Variants in PAM observed in about 807,000 individuals in gnomAD.
PAM encodes the protein peptidylglycine alpha-amidating monooxygenase.
In PAM, 72 loss-of-function variants were observed where a neutral mutation model predicts 122.1. The observed-to-expected ratio is 0.59, with a 90% confidence interval of 0.49 to 0.72. PAM has a LOEUF of 0.72. PAM is among the 30% of genes least tolerant of loss of function. PAM has a pLI of 0.00. For missense variants in PAM, 1,106 were observed against 1,183.7 expected (o/e 0.93, Z 0.96); for synonymous variants, 389 against 404.4 (o/e 0.96, Z 0.46).
chr5:102,853,357 A>G (rs1325291517), intron 1 of PAM, among the ~76,000 whole-genome samples: 2 of 152,134 alleles, frequency 1.3e-5, no homozygotes, highest in African/African-American at 2.4e-5. Flanking sequence ...TAGGAAGAGT[A>G]TTTTAATTTG....
intron 12 of PAM, among the ~76,000 whole-genome samples, chr5:102,956,563 C>T (rs1308363449): frequency 1.3e-5 from 2 of 152,020 alleles, no homozygotes; most frequent in Non-Finnish European, 2.9e-5. Flanking sequence ...GTTTTTCAAA[C>T]ATGTAACCTT....
At chr5:102,878,527 G>T (rs1789931141) in intron 3 of PAM, among the ~76,000 whole-genome samples, 1 of 151,966 alleles carries the variant, frequency 6.6e-6, no homozygotes, top group South Asian at 2.1e-4. Context: ...TATTTTAAAA[G>T]AGCCTCCAGC....
At chr5:102,814,213 C>A (rs975135324) in intron 1 of PAM, among the ~76,000 whole-genome samples, 8 of 152,134 alleles carry the variant, frequency 5.3e-5, no homozygotes, top group African/African-American at 1.2e-4. Flanking sequence ...TAAATTCAAA[C>A]CTTCCAATAA....
intron 15 of PAM, among the ~76,000 whole-genome samples, chr5:102,985,565 G>A (rs151181210): frequency 1.1e-4 from 16 of 151,720 alleles, no homozygotes; most frequent in South Asian, 6.3e-4. Flanking sequence ...TAGAAAACCC[G>A]AACACACCAA....
intron 7 of PAM, among the ~76,000 whole-genome samples, chr5:102,929,593 T>C (rs992638824): frequency 6.6e-6 from 1 of 152,328 alleles, no homozygotes; most frequent in Middle Eastern, 3.4e-3. Context: ...GGGAAATGTT[T>C]GGCTTAAGGG....
intron 3 of PAM, among the ~76,000 whole-genome samples, chr5:102,870,095 C>G (rs1786887994): frequency 1.4e-5 from 2 of 145,314 alleles, no homozygotes; most frequent in African/African-American, 5.3e-5. Context: ...AGTTAAATGG[C>G]AGAGGATTTT....
chr5:102,857,732 C>T (rs535765922), intron 1 of PAM, among the ~76,000 whole-genome samples: 3 of 152,286 alleles, frequency 2.0e-5, no homozygotes, highest in African/African-American at 4.8e-5. Context: ...GTACAAATTT[C>T]ATAGAGTTGC....
At chr5:102,933,601 A>G (rs933741080) in intron 7 of PAM, among the ~76,000 whole-genome samples, 5 of 152,230 alleles carry the variant, frequency 3.3e-5, no homozygotes, top group African/African-American at 9.6e-5. Flanking sequence ...CACAACTGAA[A>G]GAGTAGTAGA....
chr5:102,940,509 TATATATATCAGAGGTAAGAAAGTG>T (rs567358004), intron 7 of PAM, among the ~76,000 whole-genome samples: 19 of 149,292 alleles, frequency 1.3e-4, no homozygotes, highest in Admixed American at 4.7e-4. Flanking sequence ...CAGCTATATA[TATATATATCAGAGGTAAGAAAGTG>T]ATATATATCA....
chr5:102,796,745 T>C (rs1036514644), intron 1 of PAM, among the ~76,000 whole-genome samples: 3 of 152,208 alleles, frequency 2.0e-5, no homozygotes, highest in Admixed American at 6.5e-5. Flanking sequence ...CTTTTTGAAA[T>C]AGTCATCTGC....
At chr5:102,863,611 A>G (rs918467390) in intron 1 of PAM, among the ~76,000 whole-genome samples, 2 of 150,708 alleles carry the variant, frequency 1.3e-5, no homozygotes, top group African/African-American at 4.9e-5. Context: ...AATCTTTTGT[A>G]TAAAGTATTG....
At chr5:102,809,030 T>A (rs750349019) in intron 1 of PAM, among the ~76,000 whole-genome samples, 30 of 152,118 alleles carry the variant, frequency 2.0e-4, no homozygotes, top group Non-Finnish European at 3.4e-4. Flanking sequence ...CCTTGAGAAG[T>A]TAGTGCTGTT....
chr5:102,859,117 T>C (rs563463424), intron 1 of PAM, among the ~76,000 whole-genome samples: 1 of 152,214 alleles, frequency 6.6e-6, no homozygotes, highest in Non-Finnish European at 1.5e-5. Context: ...TTTACAATAC[T>C]ATTTTGTCTT....
intron 4 of PAM, among the ~76,000 whole-genome samples, chr5:102,908,472 A>G (rs1041736204): frequency 1.3e-5 from 2 of 151,088 alleles, no homozygotes; most frequent in Non-Finnish European, 3.0e-5. Flanking sequence ...TTTTGGTTCC[A>G]TATGAACCAC....
At chr5:102,771,513 C>G (rs1755772796) in intron 1 of PAM, among the ~76,000 whole-genome samples, 1 of 152,118 alleles carries the variant, frequency 6.6e-6, no homozygotes, top group Non-Finnish European at 1.5e-5. Flanking sequence ...GTTTACCAAG[C>G]AGTTTTTCAT....
chr5:102,936,001 G>A (rs928181884), intron 7 of PAM, among the ~76,000 whole-genome samples: 3 of 152,124 alleles, frequency 2.0e-5, no homozygotes, highest in African/African-American at 7.2e-5. Context: ...TAAGCTGATT[G>A]TTAAATATCG....
chr5:102,788,134 T>G (rs1761060902), intron 1 of PAM, among the ~76,000 whole-genome samples: 1 of 152,164 alleles, frequency 6.6e-6, no homozygotes, highest in East Asian at 1.9e-4. Flanking sequence ...ATATATTTGA[T>G]ACCTGGGATG....
chr5:102,909,871 T>G (rs1800853642), intron 4 of PAM, among the ~76,000 whole-genome samples: 3 of 151,914 alleles, frequency 2.0e-5, no homozygotes, highest in Non-Finnish European at 4.4e-5. Flanking sequence ...AATGCCAAAG[T>G]TCTTCAGATC....
At chr5:102,893,368 C>A (rs999378082) in intron 3 of PAM, among the ~76,000 whole-genome samples, 1 of 151,740 alleles carries the variant, frequency 6.6e-6, no homozygotes, top group African/African-American at 2.4e-5. Context: ...TTAGCTTTAG[C>A]CCTGCCAACC....
Sources: gnomAD v4.1 joint callset for allele counts (sites outside exome capture counted in the v4.1 genomes callset) on GRCh38, gnomAD v4.1.1 for gene constraint, MANE v1.5 for transcripts, NCBI Gene and HGNC (gene_info 2026-07-23, HGNC 2026-07-21) for gene names.